The following COL8A1 variants were observed in gnomAD, a reference collection of about 807,000 sequenced individuals.
The protein encoded by COL8A1 is collagen alpha-1(VIII) chain.
In COL8A1, 21 loss-of-function variants were observed where a neutral mutation model predicts 42.7. That is an observed-to-expected ratio of 0.49 (90% CI 0.35 to 0.71). The LOEUF (loss-of-function observed/expected upper bound fraction) is 0.71, where lower values mean the gene tolerates loss of function less well. Among genes scored for constraint, COL8A1 ranks in the 30% least tolerant of loss-of-function variants. The pLI is 0.01. For synonymous variants in COL8A1, 367 were observed against 369.1 expected, an observed-to-expected ratio of 0.99 and a Z score of 0.06; for missense variants, 788 against 962.4, an observed-to-expected ratio of 0.82 and a Z score of 2.40.
intron 1 of COL8A1, among the ~76,000 whole-genome samples, chr3:99,677,061 A>AT (rs200991487): frequency 0.09 from 13,626 of 150,694 alleles, 748 homozygotes; most frequent in Middle Eastern, 0.12. Flanking sequence ...GTACAAAAAG[A>AT]AAAAGAGAGA....
Position 99,796,092 on chromosome 3 carries a change from T to C in COL8A1, c.2191T>C (p.Tyr731His). The C allele has an allele frequency of 6.4e-7, 1 of 1,570,182 alleles. No individual in the cohort carries two copies. The highest frequency in any genetic ancestry group is 8.7e-7 in the Non-Finnish European group (1 of 1,154,962). Residue 731 changes from tyrosine (Y) to histidine (H), a missense_variant, in exon 4 of 4, where the codon TAT becomes CAT. By Grantham distance (83) the Tyr-to-His change is moderately conservative. This residue lies in a region of COL8A1 where 212 missense variants were observed against 210.9 expected (regional missense o/e 1.00). Coordinates refer to ENST00000652472, the MANE Select transcript of COL8A1 (RefSeq NM_020351.4). ...GGCTGCAGGACTGTATGCCGGGCAGTATGTCCACTCCTCCTTTTCAGGATA... is the reference window on the plus strand; with the variant it reads ...GGCTGCAGGACTGTATGCCGGGCAGCATGTCCACTCCTCCTTTTCAGGATA... ...EQAAGLYAGQ[Y>H]VHSSFSGYLL... is the part of the protein sequence containing the mutation.
chr3:99,747,019 G>A (rs1941041420), intron 2 of COL8A1, among the ~76,000 whole-genome samples: 2 of 152,068 alleles, frequency 1.3e-5, no homozygotes. Context: ...AACAAATGTA[G>A]ATAATGACCA....
At chr3:99,654,827 AG>A (rs1559769069) in intron 1 of COL8A1, among the ~76,000 whole-genome samples, 1 of 152,132 alleles carries the variant, frequency 6.6e-6, no homozygotes, top group Non-Finnish European at 1.5e-5. Context: ...GGAAATTACA[AG>A]CTATAGTGGA....
intron 1 of COL8A1, among the ~76,000 whole-genome samples, chr3:99,731,492 T>C (rs915497389): frequency 5.3e-5 from 8 of 152,056 alleles, no homozygotes; most frequent in Non-Finnish European, 8.8e-5. Flanking sequence ...ATGTGGGGCA[T>C]AGCAGCCAGG....
At position 99,761,046 on chromosome 3, in the gene COL8A1, T is replaced by C. The variant is rs140512794; in HGVS notation, c.-4+16025T>C. Among the ~76,000 whole-genome samples, 261 of 152,290 alleles carry C rather than the reference T, an allele frequency of 1.7e-3. 1 individual carries two copies. The highest frequency in any genetic ancestry group is 4.0e-3 in the East Asian group (21 of 5,186). On this transcript the variant is annotated intron_variant, in intron 2 of 3. Coordinates refer to ENST00000652472, the MANE Select transcript of COL8A1 (RefSeq NM_020351.4). ...TCCTTGGAAGAGAGGTAGAAAATAG[T>C]CAAAGAACGTCTTCTAGTTTCACAT... is the stretch of plus-strand genomic sequence containing the variant.
intron 1 of COL8A1, among the ~76,000 whole-genome samples, chr3:99,704,077 T>C (rs1939614867): frequency 6.6e-6 from 1 of 152,238 alleles, no homozygotes; most frequent in Non-Finnish European, 1.5e-5. Flanking sequence ...AGATGTGTAA[T>C]GTTAATAAAA....
chr3:99,735,216 C>A (rs1037640539), intron 1 of COL8A1, among the ~76,000 whole-genome samples: 15 of 142,216 alleles, frequency 1.1e-4, no homozygotes, highest in African/African-American at 3.8e-4. Context: ...AGAGGGCATC[C>A]CTGTCTTGTG....
At chr3:99,669,379 A>C (rs989025518) in intron 1 of COL8A1, among the ~76,000 whole-genome samples, 21 of 151,898 alleles carry the variant, frequency 1.4e-4, no homozygotes, top group Non-Finnish European at 2.9e-4. Flanking sequence ...GGAAAAATGA[A>C]GGTCATTCCA....
rs58954865 is a variant in COL8A1 at position 99,776,495 on chromosome 3, G to A, written c.-3-14185G>A. The stretch of plus-strand genomic sequence containing the variant: ...GTGTGGTCATGAGCTCAGGGGAATG[G>A]GTCATCAACACTGCCCCAAACTTCA... On this transcript the variant is annotated intron_variant, in intron 2 of 3. Transcript: ENST00000652472. Among the ~76,000 whole-genome samples, 529 of 152,204 alleles carry A rather than the reference G, an allele frequency of 3.5e-3. 2 individuals are homozygous for A. Among genetic ancestry groups the A allele is most frequent in the African/African-American group, 0.012 (511 of 41,530 alleles).
intron 2 of COL8A1, among the ~76,000 whole-genome samples, chr3:99,770,892 G>C (rs1941566979): frequency 6.6e-6 from 1 of 152,230 alleles, no homozygotes; most frequent in Non-Finnish European, 1.5e-5. Context: ...CTATGAATGA[G>C]GCCATGTGAT....
At chr3:99,675,533 A>C (rs1230067591) in intron 1 of COL8A1, 1 of 152,506 alleles carries the variant, frequency 6.6e-6, no homozygotes, top group Non-Finnish European at 1.5e-5. Flanking sequence ...TAATGAAGCC[A>C]AAGATACTCA....
At chr3:99,775,118 A>C (rs1941670451) in intron 2 of COL8A1, among the ~76,000 whole-genome samples, 1 of 152,110 alleles carries the variant, frequency 6.6e-6, no homozygotes, top group African/African-American at 2.4e-5. Flanking sequence ...TTGGATTATA[A>C]AGCATTTAAA....
At chr3:99,774,782 A>C (rs1203468147) in intron 2 of COL8A1, among the ~76,000 whole-genome samples, 1 of 152,214 alleles carries the variant, frequency 6.6e-6, no homozygotes, top group Non-Finnish European at 1.5e-5. Context: ...TTCTCCACTC[A>C]TTAGTGAGTC....
At position 99,797,202 on chromosome 3, in the gene COL8A1, C is replaced by T. The variant is rs1268905313; in HGVS notation, c.*1066C>T. 2.0e-5 allele frequency: 3 copies of T among 152,128 alleles called. No individual in the cohort carries two copies. Among genetic ancestry groups the T allele is most frequent in the South Asian group, 4.1e-4 (2 of 4,824 alleles). 9.4% of individuals were successfully genotyped at this position (152,128 alleles called of 1,614,324 possible). A position where few individuals can be genotyped will look rare whatever the true frequency, so the allele number is the denominator to read the frequency against. On this transcript the variant is annotated 3_prime_UTR_variant, in exon 4 of 4. Transcript: ENST00000652472. ...TGGAGATATCAGTAATTTTTAGTAA[C>T]TGAATTTTGAGGACATTTCTCTGTT...
chr3:99,667,088 A>AC (rs1325857462), intron 1 of COL8A1, among the ~76,000 whole-genome samples: 1 of 152,182 alleles, frequency 6.6e-6, no homozygotes, highest in Admixed American at 6.5e-5. Flanking sequence ...AATAACTTGC[A>AC]CGGCATGTGG....
chr3:99,683,992 A>C (rs1303463531), intron 1 of COL8A1, among the ~76,000 whole-genome samples: 1 of 152,130 alleles, frequency 6.6e-6, no homozygotes, highest in Admixed American at 6.5e-5. Flanking sequence ...TGTTTTGTTC[A>C]GTTTTAGTGA....
intron 1 of COL8A1, among the ~76,000 whole-genome samples, chr3:99,669,789 G>T (rs144121817): frequency 6.6e-6 from 1 of 151,970 alleles, no homozygotes; most frequent in Non-Finnish European, 1.5e-5. Flanking sequence ...AGAACCTGAC[G>T]GAGCAGAAAC....
intron 1 of COL8A1, among the ~76,000 whole-genome samples, chr3:99,742,311 C>T (rs1940919708): frequency 6.6e-6 from 1 of 152,160 alleles, no homozygotes; most frequent in Middle Eastern, 3.2e-3. Context: ...ACAAATCTAA[C>T]TAAATAATTC....
intron 1 of COL8A1, among the ~76,000 whole-genome samples, chr3:99,702,378 T>G (rs370451412): frequency 2.6e-5 from 4 of 152,214 alleles, no homozygotes; most frequent in African/African-American, 9.6e-5. Flanking sequence ...AGCCAGGTCT[T>G]AACCATTATT....
Sources: allele counts gnomAD v4.1 joint callset (sites outside exome capture counted in the v4.1 genomes callset), GRCh38; gene constraint gnomAD v4.1.1; regional missense constraint gnomAD v4.1.1; transcripts MANE v1.5; gene names NCBI Gene and HGNC (gene_info 2026-07-23, HGNC 2026-07-21).